Variants in ABCA4 observed in about 807,000 individuals in gnomAD.
ABCA4 encodes the protein retinal-specific phospholipid-transporting ATPase ABCA4.
In ABCA4, 196 loss-of-function variants were observed where a neutral mutation model predicts 263.7. The ratio of observed to expected loss-of-function variants is 0.74; its 90% CI spans 0.66 to 0.84. ABCA4 has a LOEUF of 0.84. Among genes scored for constraint, ABCA4 ranks in the 40% least tolerant of loss-of-function variants. The pLI, the probability that ABCA4 is intolerant of heterozygous loss-of-function variation, is 0.00. For synonymous variants in ABCA4, 1,133 were observed against 1,094.2 expected (o/e 1.04, Z -0.70); for missense variants, 2,792 against 2,855.1 (o/e 0.98, Z 0.50).
At chr1:94,006,511 G>T (rs1032311371) in intron 43 of ABCA4, among the ~76,000 whole-genome samples, 4 of 152,108 alleles carry the variant, frequency 2.6e-5, no homozygotes, top group Admixed American at 6.5e-5. Flanking sequence ...TCTTTCCCCT[G>T]CCATGGTATG....
rs886044747 is a variant in ABCA4, at chr1:94,019,589, C to T, written c.5189G>A (p.Trp1730Ter). Residue 1730 changes from tryptophan (W) to a stop codon, truncating the protein, a stop_gained, in exon 36 of 50, where the codon TGG becomes TAG. Coordinates refer to ENST00000370225, the MANE Select transcript of ABCA4 (RefSeq NM_000350.3). LOFTEE classifies it high-confidence loss of function. ...PTTYWVTNFLWDIMNYSVSAG... is the reference protein window; with the variant it reads ...PTTYWVTNFL ...CTGTAAACTGACACTTACGATGTCC[C>T]AGAGGAAGTTGGTCACCCAGTAGGT... The T allele has an allele frequency of 1.2e-6, 2 of 1,605,634 alleles. No homozygotes were observed. The highest frequency in any genetic ancestry group is 1.7e-6 in the Non-Finnish European group (2 of 1,175,768).
chr1:94,007,808 T>C lies in ABCA4; in HGVS notation c.5899-68A>G. On this transcript the variant is annotated intron_variant, in intron 42 of 49. Transcript: ENST00000370225. ...AGGTCTAAAATGTCAGGCCCCAGGG[T>C]AAGTGTGTGTGTGAGCTGGGGGAGG... 4.9e-6 allele frequency: 7 copies of C among 1,439,314 alleles called. No homozygotes were observed. In the South Asian group the frequency reaches 8.0e-5, roughly 16 times the overall value. The allele number at this position is 1,439,314 out of a possible 1,614,324, so 89.2% of individuals were successfully genotyped here. A position where few individuals can be genotyped will look rare whatever the true frequency, so the allele number is the denominator to read the frequency against.
intron 15 of ABCA4, among the ~76,000 whole-genome samples, chr1:94,055,527 T>C (rs1395880067): frequency 1.3e-5 from 2 of 152,186 alleles, no homozygotes; most frequent in Non-Finnish European, 2.9e-5. Context: ...TCTCTAGCTA[T>C]ACAGTCACAA....
chr1:94,031,735 G>T, intron 27 of ABCA4, 43 bp downstream of exon 27: 1 of 1,611,716 alleles, frequency 6.2e-7, no homozygotes, highest in Non-Finnish European at 8.5e-7. Context: ...AAGGCTGGGA[G>T]AGGAGCCACT....
In ABCA4 at chr1:94,011,261, C is replaced by G; in HGVS notation, c.5584+1G>C. 6.2e-7 allele frequency: 1 copy of G among 1,614,082 alleles called. No homozygotes were observed. The highest frequency in any genetic ancestry group is 8.5e-7 in the Non-Finnish European group (1 of 1,180,010). ...CTCCATGGGCCTCGGCTACCACCCA[C>G]CAAACCGGGCATAGACATCTGTCAC... On this transcript the variant is annotated splice_donor_variant, in intron 39 of 49. Transcript: ENST00000370225. LOFTEE classifies it high-confidence loss of function.
intron 7 of ABCA4, 29 bp from the exon 8 acceptor site, chr1:94,080,747 T>C (rs1486800798): frequency 6.2e-7 from 1 of 1,614,156 alleles, no homozygotes; most frequent in South Asian, 1.1e-5. Context: ...TTCAGGTTAT[T>C]TTAAGGCAGC....
chr1:94,019,975 G>A (rs892727773), intron 35 of ABCA4, among the ~76,000 whole-genome samples: 3 of 152,162 alleles, frequency 2.0e-5, no homozygotes, highest in Non-Finnish European at 2.9e-5. Flanking sequence ...TCTATTTCAT[G>A]TGAATATTTC....
chr1:94,067,962 T>G (rs1448059465), intron 11 of ABCA4, among the ~76,000 whole-genome samples: 2 of 152,358 alleles, frequency 1.3e-5, no homozygotes, highest in East Asian at 3.9e-4. Context: ...TTTTTATGAC[T>G]GTTTTTGCAA....
chr1:94,115,463 C>T (rs995120271), intron 1 of ABCA4, among the ~76,000 whole-genome samples: 4 of 152,268 alleles, frequency 2.6e-5, no homozygotes, highest in Non-Finnish European at 4.4e-5. Flanking sequence ...TGGGACTGCT[C>T]ATTTTTCCTA....
intron 1 of ABCA4, among the ~76,000 whole-genome samples, chr1:94,120,700 G>A (rs1221775046): frequency 1.3e-5 from 2 of 151,410 alleles, no homozygotes; most frequent in African/African-American, 4.9e-5. Flanking sequence ...GGGGGGTGGG[G>A]GAGGGGCGGG....
chr1:94,031,177 C>T (rs1246020502), intron 27 of ABCA4, 57 bp from the exon 28 acceptor site: 16 of 1,602,792 alleles, frequency 1.0e-5, no homozygotes, highest in African/African-American at 4.0e-5. Context: ...GTCACACGTG[C>T]GCGTGCACAC....
chr1:94,085,005 G>A (rs1360108190), intron 6 of ABCA4, among the ~76,000 whole-genome samples: 2 of 152,204 alleles, frequency 1.3e-5, no homozygotes, highest in African/African-American at 4.8e-5. Flanking sequence ...AGACATAGCA[G>A]TAAAATGGCC....
rs189091964 is a variant in ABCA4 at position 94,001,779 on chromosome 1, C to T, written c.6282+79G>A. 6.4e-5 allele frequency: 102 copies of T among 1,604,128 alleles called. No homozygotes were observed. In the African/African-American group the frequency reaches 1.1e-3, roughly 17 times the overall value. On this transcript the variant is annotated intron_variant, in intron 45 of 49. Transcript: ENST00000370225. ...AAACTGCTGCAGTTTCTAAATCTGC[C>T]GACCCAGAACCTATTTCCCCAACCC...
intron 49 of ABCA4, among the ~76,000 whole-genome samples, chr1:93,993,576 T>C (rs1321694270): frequency 1.3e-5 from 2 of 152,066 alleles, no homozygotes; most frequent in Non-Finnish European, 2.9e-5. Context: ...CTTTTTTAGC[T>C]TAAGAAAGTT....
chr1:94,088,846 G>A (rs1320668222), intron 6 of ABCA4, among the ~76,000 whole-genome samples: 2 of 152,230 alleles, frequency 1.3e-5, no homozygotes, highest in Non-Finnish European at 2.9e-5. Flanking sequence ...GGGGGTAGGA[G>A]CCCAGAGGCA....
intron 30 of ABCA4, among the ~76,000 whole-genome samples, chr1:94,026,224 G>A (rs183838542): frequency 1.3e-5 from 2 of 151,756 alleles, no homozygotes; most frequent in East Asian, 3.9e-4. Context: ...TCCTCCCCCT[G>A]TTTTCCCATT....
At chr1:94,045,429 T>G (rs1660646265) in intron 19 of ABCA4, among the ~76,000 whole-genome samples, 1 of 151,776 alleles carries the variant, frequency 6.6e-6, no homozygotes, top group Non-Finnish European at 1.5e-5. Flanking sequence ...CAGCATAAAG[T>G]AAAACTCAAA....
intron 26 of ABCA4, among the ~76,000 whole-genome samples, chr1:94,036,374 CTTAGACTTTTTT>C (rs1660335276): frequency 1.3e-5 from 2 of 150,212 alleles, no homozygotes; most frequent in Non-Finnish European, 3.0e-5. Flanking sequence ...TGACTTTTTC[CTTAGACTTTTTT>C]TTTTTTTTGA....
chr1:94,005,297 A>G, intron 44 of ABCA4, 144 bp downstream of exon 44: 1 of 1,120,510 alleles, frequency 8.9e-7, no homozygotes, highest in Non-Finnish European at 1.3e-6. Context: ...AGTACTTGGC[A>G]CACAGTAGAC....
Sources: gnomAD v4.1 joint callset for allele counts (sites outside exome capture counted in the v4.1 genomes callset) on GRCh38, gnomAD v4.1.1 for gene constraint, MANE v1.5 for transcripts, NCBI Gene and HGNC (gene_info 2026-07-23, HGNC 2026-07-21) for gene names.